Variants in FUT8 observed in about 807,000 individuals in gnomAD.
FUT8 encodes alpha-(1,6)-fucosyltransferase.
FUT8 carries 29 observed loss-of-function variants against 71.3 expected under a neutral mutation model. The observed-to-expected ratio is 0.41, with a 90% CI of 0.30 to 0.55. The LOEUF (loss-of-function observed/expected upper bound fraction) is 0.55. Among genes scored for constraint, FUT8 ranks in the 20% least tolerant of loss-of-function variants. FUT8 has a pLI of 0.34. For missense variants in FUT8, 544 were observed against 702.1 expected (o/e 0.77, Z 2.55); for synonymous variants, 254 against 239.3 (o/e 1.06, Z -0.57).
intron 3 of FUT8, among the ~76,000 whole-genome samples, chr14:65,578,745 CAAATAT>C (rs967520331): frequency 1.3e-5 from 2 of 152,078 alleles, no homozygotes; most frequent in African/African-American, 4.8e-5. Context: ...TGAAGGAGAA[CAAATAT>C]AAATAGATTT....
chr14:65,735,232 T>A (rs1424472902), intron 10 of FUT8, among the ~76,000 whole-genome samples: 2 of 151,922 alleles, frequency 1.3e-5, no homozygotes, highest in Non-Finnish European at 2.9e-5. Context: ...TTTTTTTTCC[T>A]TTTTGAAGTT....
chr14:65,398,410 C>G, the FUT8 span, among the ~76,000 whole-genome samples: 1 of 151,902 alleles, frequency 6.6e-6, no homozygotes. Flanking sequence ...ATTAGAAGAC[C>G]AAGACACTGC....
intron 6 of FUT8, among the ~76,000 whole-genome samples, chr14:65,666,362 C>T (rs749822485): frequency 5.9e-5 from 9 of 152,064 alleles, no homozygotes; most frequent in Non-Finnish European, 1.3e-4. Flanking sequence ...CCACCAACCC[C>T]ACAGAAATAC....
intron 2 of FUT8, among the ~76,000 whole-genome samples, chr14:65,499,392 C>G (rs1294142053): frequency 6.6e-6 from 1 of 152,052 alleles, no homozygotes; most frequent in African/African-American, 2.4e-5. Context: ...GAGTACAGCT[C>G]AAGTCTCAGG....
intron 6 of FUT8, among the ~76,000 whole-genome samples, chr14:65,653,979 A>G (rs1891537124): frequency 6.6e-6 from 1 of 152,232 alleles, no homozygotes; most frequent in Admixed American, 6.5e-5. Flanking sequence ...AGTTCTTCAG[A>G]CAAAAAATGA....
chr14:65,491,977 CACTT>C (rs1185964569), intron 2 of FUT8, among the ~76,000 whole-genome samples: 1 of 151,958 alleles, frequency 6.6e-6, no homozygotes, highest in African/African-American at 2.4e-5. Flanking sequence ...CTGATTTTGT[CACTT>C]ACAGCCAGCC....
At position 65,743,206 on chromosome 14, in the gene FUT8, A is replaced by G. The variant is rs1029114308; in HGVS notation, c.*796A>G. On this transcript the variant is annotated 3_prime_UTR_variant, in exon 11 of 11. Coordinates refer to ENST00000673929, the MANE Select transcript of FUT8 (RefSeq NM_001371533.1). ...ATGTTGATCAGCCTTATGTGGAAGA[A>G]CTGTGATAAAAAGAGGAGCTTTTTA... 6.6e-6 allele frequency: 1 copy of G among 152,238 alleles called. No individual in the cohort carries two copies. Among genetic ancestry groups the G allele is most frequent in the Non-Finnish European group, 1.5e-5 (1 of 67,876 alleles). The allele number at this position is 152,238 out of a possible 1,614,324, so 9.4% of individuals were successfully genotyped here.
upstream of FUT8, chr14:65,410,778 A>G (rs532944745): frequency 6.6e-6 from 1 of 151,836 alleles, no homozygotes; most frequent in South Asian, 2.1e-4. Flanking sequence ...TTTTTTTTAA[A>G]TTTTATTTTT....
At chr14:65,675,675 G>A (rs188192390) in intron 7 of FUT8, among the ~76,000 whole-genome samples, 19 of 152,200 alleles carry the variant, frequency 1.2e-4, no homozygotes, top group African/African-American at 4.3e-4. Context: ...AGTGCCAAGC[G>A]TTTGACCAGA....
rs188812814 is a variant in FUT8, at chr14:65,423,235, C to T, written c.-326+10021C>T. ...TCCTGACCTTGTGATCTGCCCACCT[C>T]GGCCTCCCAAAGTGAATGATTTTCT... On this transcript the variant is annotated intron_variant, in intron 1 of 10. Transcript: ENST00000673929. 5.6e-3 allele frequency among the ~76,000 whole-genome samples: 839 copies of T among 150,296 alleles called. 31 individuals are homozygous for T. The highest frequency in any genetic ancestry group is 0.051 in the Admixed American group (760 of 15,038).
intron 3 of FUT8, among the ~76,000 whole-genome samples, chr14:65,615,070 A>G (rs936145984): frequency 1.3e-5 from 2 of 152,180 alleles, no homozygotes; most frequent in African/African-American, 4.8e-5. Context: ...TTGCTGATAG[A>G]AATGAATAGA....
At chr14:65,736,010 C>T (rs913263999) in intron 10 of FUT8, among the ~76,000 whole-genome samples, 6 of 152,010 alleles carry the variant, frequency 3.9e-5, no homozygotes, top group African/African-American at 1.4e-4. Flanking sequence ...AACCATTGAC[C>T]ACTGATCACA....
At position 65,518,331 on chromosome 14, in the gene FUT8, TC is replaced by T. The variant is rs574492889; in HGVS notation, c.-227-43004del. ...AGGTAATACTGTAGTAGTATTTTTT[TC>T]CTCCATGTTAATCTACTTGGCTCCC... On this transcript the variant is annotated intron_variant, in intron 2 of 10. Coordinates refer to ENST00000673929, the MANE Select transcript of FUT8 (RefSeq NM_001371533.1). Among the ~76,000 whole-genome samples, 3 of 152,292 alleles carry T rather than the reference TC, an allele frequency of 2.0e-5. No homozygotes were observed. The South Asian group carries it at 6.2e-4, about 32-fold the overall frequency.
the FUT8 span, among the ~76,000 whole-genome samples, chr14:65,398,104 C>T: frequency 3.3e-5 from 5 of 152,176 alleles, no homozygotes; most frequent in Admixed American, 6.5e-5. Flanking sequence ...TTTAGTTTTT[C>T]TAGAACTGTA....
chr14:65,602,854 C>G (rs970835081), intron 3 of FUT8, among the ~76,000 whole-genome samples: 7 of 151,806 alleles, frequency 4.6e-5, no homozygotes, highest in East Asian at 1.9e-4. Flanking sequence ...CCTTAGCCCA[C>G]TTTTTGATGC....
In FUT8 at chr14:65,721,845, A is replaced by G. The variant is rs373403618; in HGVS notation, c.906A>G (p.Pro302=). The G allele has an allele frequency of 3.1e-6, 5 of 1,614,080 alleles. No individual in the cohort carries two copies. The highest frequency in any genetic ancestry group is 4.5e-5 in the East Asian group (2 of 44,894). ...TAGACAGTCTTCATCCCCGTCCTCC[A>G]TATTTACCCTTGGCTGTACCAGAAG... is the stretch of plus-strand genomic sequence containing the variant. ...PIVDSLHPRP[P]YLPLAVPEDL... Residue 302 remains proline, a synonymous_variant, in exon 8 of 11, where the codon CCA becomes CCG. Coordinates refer to ENST00000673929, the MANE Select transcript of FUT8 (RefSeq NM_001371533.1).
intron 7 of FUT8, among the ~76,000 whole-genome samples, chr14:65,686,855 A>G (rs749581915): frequency 6.6e-6 from 1 of 152,216 alleles, no homozygotes; most frequent in Non-Finnish European, 1.5e-5. Flanking sequence ...ACTTGAAAAC[A>G]TCTATACTTA....
chr14:65,406,021 A>G (rs2065087802), upstream of FUT8, among the ~76,000 whole-genome samples: 2 of 152,222 alleles, frequency 1.3e-5, no homozygotes, highest in Non-Finnish European at 2.9e-5. Flanking sequence ...TAGTTCCTAT[A>G]GGAAAGGTGG....
At chr14:65,421,268 CACAA>C (rs1057244667) in intron 1 of FUT8, among the ~76,000 whole-genome samples, 10 of 151,018 alleles carry the variant, frequency 6.6e-5, no homozygotes, top group Non-Finnish European at 1.2e-4. Context: ...AGTGGATCAT[CACAA>C]AGGCCTTTAT....
Sources: gnomAD v4.1 joint callset for allele counts (sites outside exome capture counted in the v4.1 genomes callset) on GRCh38, gnomAD v4.1.1 for gene constraint, MANE v1.5 for transcripts, NCBI Gene and HGNC (gene_info 2026-07-23, HGNC 2026-07-21) for gene names.